PREX1: variants seen among roughly 807,000 people sequenced by gnomAD.
PREX1 encodes phosphatidylinositol-3,4,5-trisphosphate dependent Rac exchange factor 1.
PREX1 carries 41 observed loss-of-function variants against 198.3 expected under a neutral mutation model. The ratio of observed to expected loss-of-function variants is 0.21; its 90% CI spans 0.16 to 0.27. PREX1 has a LOEUF of 0.27. PREX1 is among the 10% of genes least tolerant of loss of function. The pLI is 1.00. For missense variants in PREX1, 1,620 were observed against 2,200.7 expected, an observed-to-expected ratio of 0.74 and a Z score of 5.28; for synonymous variants, 843 against 887.2, an observed-to-expected ratio of 0.95 and a Z score of 0.89.
chr20:48,783,134 G>C lies in PREX1; in HGVS notation c.220-35254C>G, dbSNP rs561473306. On this transcript the variant is annotated intron_variant, in intron 1 of 39. Transcript: ENST00000371941. ...CCTCATTTGTGAAATGAAAAAGAAG[G>C]ATACATGCCTGATATGGTTGAATGA... is the stretch of plus-strand genomic sequence containing the variant. Among the ~76,000 whole-genome samples, 3 of 152,314 alleles carry C rather than the reference G, an allele frequency of 2.0e-5. No individual in the cohort carries two copies. In the Middle Eastern group the frequency reaches 0.01, roughly 518 times the overall value.
chr20:48,644,557 C>A, intron 26 of PREX1, 60 bp from the exon 27 acceptor site: 3 of 1,462,798 alleles, frequency 2.1e-6, no homozygotes, highest in Non-Finnish European at 1.9e-6. Context: ...CTGGTCCTGG[C>A]ACCCAAAACC....
At chr20:48,805,036 C>A (rs1048258635) in intron 1 of PREX1, among the ~76,000 whole-genome samples, 1 of 152,124 alleles carries the variant, frequency 6.6e-6, no homozygotes, top group Admixed American at 6.5e-5. Context: ...AATGATTGAG[C>A]AAGATGAGCT....
At chr20:48,809,589 T>G (rs16994152) in intron 1 of PREX1, among the ~76,000 whole-genome samples, 27,242 of 152,194 alleles carry the variant, frequency 0.18, 2,624 homozygotes, top group Middle Eastern at 0.3. Flanking sequence ...ATCTCAGCAG[T>G]GGTAGCAATG....
chr20:48,884,428 T>C, the PREX1 span, among the ~76,000 whole-genome samples: 2 of 152,240 alleles, frequency 1.3e-5, no homozygotes, highest in African/African-American at 2.4e-5. Flanking sequence ...AATAGTTTGA[T>C]GTGACAATAT....
intron 5 of PREX1, among the ~76,000 whole-genome samples, chr20:48,720,187 T>A (rs2089978992): frequency 6.6e-6 from 1 of 152,180 alleles, no homozygotes; most frequent in Non-Finnish European, 1.5e-5. Context: ...CAGTCCAGCC[T>A]TCCCTGACCA....
intron 1 of PREX1, among the ~76,000 whole-genome samples, chr20:48,763,822 G>A (rs1219632259): frequency 6.6e-6 from 1 of 152,214 alleles, no homozygotes; most frequent in African/African-American, 2.4e-5. Flanking sequence ...GCCAGTCTTA[G>A]GAGTACAGAC....
At chr20:48,825,221 C>G (rs1269820547) in intron 1 of PREX1, among the ~76,000 whole-genome samples, 1 of 152,162 alleles carries the variant, frequency 6.6e-6, no homozygotes, top group Non-Finnish European at 1.5e-5. Context: ...GGCTCACAAA[C>G]AACGTATGGC....
chr20:48,844,751 A>G, the PREX1 span, among the ~76,000 whole-genome samples: 2 of 152,204 alleles, frequency 1.3e-5, no homozygotes, highest in Middle Eastern at 6.3e-3. Context: ...CTTGAGCCGA[A>G]TTACCCAACC....
chr20:48,786,645 G>A (rs1250789667), intron 1 of PREX1, among the ~76,000 whole-genome samples: 2 of 151,942 alleles, frequency 1.3e-5, no homozygotes, highest in East Asian at 3.9e-4. Flanking sequence ...TCAGGAGGCT[G>A]AGGTGGGAAA....
In PREX1 at chr20:48,636,595, G is replaced by A. The variant is rs1373112254; in HGVS notation, c.4035C>T (p.Ala1345=). 3.1e-6 allele frequency: 5 copies of A among 1,611,796 alleles called. No individual in the cohort carries two copies. ...CATTGTTGTTGTAGCGGTAGCCCAG[G>A]GCCGCCAGCAGCTGCTTGGAGAAGG... ...VCTFSKQLLA[A]LGYRYNNNGE... The change falls in exon 32 of 40, where the codon GCC becomes GCT. Residue 1345 remains alanine, a synonymous_variant. Coordinates refer to ENST00000371941, the MANE Select transcript of PREX1 (RefSeq NM_020820.4).
chr20:48,755,162 G>C (rs1490196434), intron 1 of PREX1, among the ~76,000 whole-genome samples: 1 of 152,104 alleles, frequency 6.6e-6, no homozygotes, highest in Non-Finnish European at 1.5e-5. Context: ...ACACGGAAAA[G>C]GACTGTTGAT....
the PREX1 span, among the ~76,000 whole-genome samples, chr20:48,862,791 A>AAAAAAAAAAAAAAAAAAAATATATATT: frequency 2.9e-5 from 1 of 33,916 alleles, no homozygotes; most frequent in African/African-American, 1.1e-4. Flanking sequence ...AAAAAAAAAA[A>AAAAAAAAAAAAAAAAAAAATATATATT]TATATATATA....
At chr20:48,729,906 A>AG (rs926858058) in intron 4 of PREX1, among the ~76,000 whole-genome samples, 6 of 152,284 alleles carry the variant, frequency 3.9e-5, no homozygotes, top group African/African-American at 1.2e-4. Flanking sequence ...GCTGGATTAG[A>AG]GGGGGGACCC....
chr20:48,849,095 CA>C, the PREX1 span, among the ~76,000 whole-genome samples: 2,398 of 130,894 alleles, frequency 0.018, 41 homozygotes, highest in African/African-American at 0.054. Flanking sequence ...GACCCTGTCT[CA>C]AAAAAAAAAA....
upstream of PREX1, among the ~76,000 whole-genome samples, chr20:48,829,234 C>A (rs185111187): frequency 1.1e-3 from 161 of 152,286 alleles, no homozygotes; most frequent in Admixed American, 3.1e-3. Flanking sequence ...AAGCCTGGCC[C>A]CACTCTCAAA....
intron 1 of PREX1, among the ~76,000 whole-genome samples, chr20:48,774,663 A>G (rs577257744): frequency 2.2e-4 from 33 of 152,196 alleles, no homozygotes; most frequent in Admixed American, 3.9e-4. Context: ...CAACCTGGGC[A>G]CCTCCTTCCA....
rs538899061 is a variant in PREX1 at position 48,666,804 on chromosome 20, C to T, written c.1666-449G>A. 2.1e-3 allele frequency among the ~76,000 whole-genome samples: 322 copies of T among 152,338 alleles called. 2 individuals are homozygous for T. Among genetic ancestry groups the T allele is most frequent in the African/African-American group, 7.4e-3 (308 of 41,576 alleles). On this transcript the variant is annotated intron_variant, in intron 14 of 39. Coordinates refer to ENST00000371941, the MANE Select transcript of PREX1 (RefSeq NM_020820.4). This position sits in a 1 kb window ranked among gnomAD's most constrained non-coding sequence, Gnocchi z 4.3. ...CCTCCCAAAGTGCTGGAATTACAGG[C>T]ATGAGCCACCACGCCTGGCCCCATT...
At chr20:48,849,160 G>GAAAATGAA in the PREX1 span, among the ~76,000 whole-genome samples, 1 of 151,274 alleles carries the variant, frequency 6.6e-6, no homozygotes, top group African/African-American at 2.4e-5. Context: ...GCATGTAGAA[G>GAAAATGAA]AAAATGAAAA....
rs201742384 is a variant in PREX1 at position 48,651,489 on chromosome 20, G to A, written c.2562C>T (p.Gly854=). The A allele has an allele frequency of 2.8e-5, 45 of 1,614,098 alleles. No individual in the cohort carries two copies. Among genetic ancestry groups the A allele is most frequent in the African/African-American group, 1.2e-4 (9 of 74,950 alleles). ...CCGTGCTCACATACTCATACACCAC[G>A]CCGTGTTCCAGGTGCACGTTGTCCA... ...LTVDNVHLEH[G]VVYEYVSTAG... Residue 854 remains glycine, a synonymous_variant, in exon 22 of 40, where the codon GGC becomes GGT. Transcript: ENST00000371941.
Sources: gnomAD v4.1 joint callset for allele counts (sites outside exome capture counted in the v4.1 genomes callset) on GRCh38, gnomAD v4.1.1 for gene constraint, Gnocchi (gnomAD v3.1) non-coding constraint, MANE v1.5 for transcripts, NCBI Gene and HGNC (gene_info 2026-07-23, HGNC 2026-07-21) for gene names.